The following CAMK1D variants were observed in gnomAD, a reference collection of about 807,000 sequenced individuals.
CAMK1D encodes the protein calcium/calmodulin-dependent protein kinase type 1D.
A neutral mutation model predicts 47.7 loss-of-function variants in CAMK1D; 9 were observed. The observed-to-expected ratio is 0.19, with a 90% CI of 0.11 to 0.33. The LOEUF (loss-of-function observed/expected upper bound fraction) is 0.33. Ranked by LOEUF, CAMK1D falls within the 10% of genes least tolerant of loss-of-function variation. The pLI is 1.00. For synonymous variants in CAMK1D, 184 were observed against 184.9 expected (o/e 0.99, Z 0.04); for missense variants, 291 against 488.7 (o/e 0.60, Z 3.81).
intron 1 of CAMK1D, among the ~76,000 whole-genome samples, chr10:12,404,789 G>A (rs990202007): frequency 5.8e-4 from 88 of 151,904 alleles, no homozygotes; most frequent in African/African-American, 2.0e-3. Flanking sequence ...CTGCCTCGTG[G>A]GTGATTCTCG....
chr10:12,529,667 C>A (rs764096052), intron 1 of CAMK1D, among the ~76,000 whole-genome samples: 3 of 152,150 alleles, frequency 2.0e-5, no homozygotes, highest in African/African-American at 4.8e-5. Flanking sequence ...GCCGGGTAGT[C>A]CCTTACTCCA....
intron 2 of CAMK1D, among the ~76,000 whole-genome samples, chr10:12,574,612 C>T (rs1221856385): frequency 2.0e-5 from 3 of 151,194 alleles, no homozygotes; most frequent in Non-Finnish European, 4.4e-5. Flanking sequence ...GCCACTGCAT[C>T]TGGCCTGGGA....
rs368357851 is a variant in CAMK1D, at chr10:12,769,798, C to T, written c.564C>T (p.Val188=). The T allele has an allele frequency of 9.3e-6, 15 of 1,613,898 alleles. No homozygotes were observed. The highest frequency in any genetic ancestry group is 3.3e-4 in the Middle Eastern group (2 of 6,078). ...MSTACGTPGY[V]APEVLAQKPY... is the part of the protein sequence containing the mutation. ...CTGCCTGTGGAACTCCAGGCTATGTCGGTAAGGACAGTGCATGTGCACACA... is the reference window on the plus strand; with the variant it reads ...CTGCCTGTGGAACTCCAGGCTATGTTGGTAAGGACAGTGCATGTGCACACA... The change falls in exon 5 of 11, where the codon GTC becomes GTT. Residue 188 remains valine, a splice_region_variant and synonymous_variant. Coordinates refer to ENST00000619168, the MANE Select transcript of CAMK1D (RefSeq NM_153498.4).
chr10:12,761,472 A>C (rs1389026368), intron 4 of CAMK1D, among the ~76,000 whole-genome samples: 2 of 152,194 alleles, frequency 1.3e-5, no homozygotes, highest in Non-Finnish European at 2.9e-5. Flanking sequence ...ATTGCAGCAC[A>C]ACACACTGTA....
intron 1 of CAMK1D, among the ~76,000 whole-genome samples, chr10:12,511,447 TAATA>T (rs983583454): frequency 4.0e-5 from 6 of 150,962 alleles, no homozygotes; most frequent in Non-Finnish European, 7.4e-5. Context: ...CAAAAAAAAA[TAATA>T]AATAAACAAA....
At chr10:12,666,993 C>T in intron 3 of CAMK1D, 183 bp downstream of exon 3, 2 of 592,136 alleles carry the variant, frequency 3.4e-6, no homozygotes, top group South Asian at 2.1e-5. Context: ...CAGGCGTCTA[C>T]AGGCCTCCCT....
At chr10:12,514,725 A>G (rs1835137727) in intron 1 of CAMK1D, among the ~76,000 whole-genome samples, 1 of 152,262 alleles carries the variant, frequency 6.6e-6, no homozygotes, top group Non-Finnish European at 1.5e-5. Flanking sequence ...TTGCAGCTTG[A>G]AAGAAGAAAT....
chr10:12,603,398 A>G (rs1233822086), intron 2 of CAMK1D, among the ~76,000 whole-genome samples: 2 of 152,084 alleles, frequency 1.3e-5, no homozygotes, highest in Non-Finnish European at 2.9e-5. Context: ...TGACCCGTGC[A>G]CGCCTGTCCT....
At chr10:12,814,112 A>T in intron 6 of CAMK1D, 83 bp from the exon 7 acceptor site, 1 of 894,150 alleles carries the variant, frequency 1.1e-6, no homozygotes, top group Non-Finnish European at 1.8e-6. Flanking sequence ...TCAGTTGGTA[A>T]TGTCTCTTCC....
At chr10:12,818,250 G>A (rs563979824) in intron 8 of CAMK1D, among the ~76,000 whole-genome samples, 1 of 152,158 alleles carries the variant, frequency 6.6e-6, no homozygotes, top group Non-Finnish European at 1.5e-5. Flanking sequence ...GTATTTCAGT[G>A]TATAACACCT....
At chr10:12,504,470 C>T (rs1396808364) in intron 1 of CAMK1D, among the ~76,000 whole-genome samples, 2 of 152,050 alleles carry the variant, frequency 1.3e-5, no homozygotes, top group Non-Finnish European at 2.9e-5. Flanking sequence ...CTTCCTCTGC[C>T]TTTTCATTCC....
intron 8 of CAMK1D, among the ~76,000 whole-genome samples, chr10:12,824,237 G>A (rs1833116187): frequency 6.6e-6 from 1 of 152,080 alleles, no homozygotes; most frequent in Admixed American, 6.6e-5. Flanking sequence ...GTCTGGGGAG[G>A]GTGCGGAGTG....
chr10:12,447,152 C>T (rs1175507685), intron 1 of CAMK1D, among the ~76,000 whole-genome samples: 3 of 152,040 alleles, frequency 2.0e-5, no homozygotes, highest in South Asian at 2.1e-4. Context: ...GTCTGTATCT[C>T]GTGTTAGCTT....
At chr10:12,402,195 G>A (rs1206265018) in intron 1 of CAMK1D, among the ~76,000 whole-genome samples, 6 of 152,062 alleles carry the variant, frequency 3.9e-5, no homozygotes, top group Non-Finnish European at 2.9e-5. Flanking sequence ...GCGTGCCTCG[G>A]CTTCCCAAAG....
intron 1 of CAMK1D, among the ~76,000 whole-genome samples, chr10:12,435,882 T>G (rs1031359028): frequency 4.6e-5 from 7 of 152,214 alleles, no homozygotes; most frequent in Non-Finnish European, 7.3e-5. Context: ...GAGTGGGTCC[T>G]TCCTTGCATG....
chr10:12,542,855 C>T (rs541869431), intron 1 of CAMK1D, among the ~76,000 whole-genome samples: 141 of 152,110 alleles, frequency 9.3e-4, no homozygotes, highest in Non-Finnish European at 1.9e-3. Context: ...GAGCAATTCT[C>T]CTGCCTCAGC....
chr10:12,559,704 C>G (rs1030889780), intron 2 of CAMK1D, among the ~76,000 whole-genome samples: 3 of 152,136 alleles, frequency 2.0e-5, no homozygotes, highest in Non-Finnish European at 4.4e-5. Context: ...CAGGCACCAG[C>G]CACTGACTGG....
At chr10:12,694,557 TAAA>T (rs1833174309) in intron 3 of CAMK1D, among the ~76,000 whole-genome samples, 2 of 79,752 alleles carry the variant, frequency 2.5e-5, no homozygotes, top group Admixed American at 1.5e-4. Flanking sequence ...ATATTATATA[TAAA>T]ATATATAATA....
At chr10:12,681,971 G>A (rs1022619995) in intron 3 of CAMK1D, among the ~76,000 whole-genome samples, 3 of 152,238 alleles carry the variant, frequency 2.0e-5, no homozygotes, top group Admixed American at 2.0e-4. Context: ...TGTAATCCCA[G>A]CACTTTGGGA....
Sources: gnomAD v4.1 joint callset for allele counts (sites outside exome capture counted in the v4.1 genomes callset) on GRCh38, gnomAD v4.1.1 for gene constraint, MANE v1.5 for transcripts, NCBI Gene and HGNC (gene_info 2026-07-23, HGNC 2026-07-21) for gene names.